Variants in ANKRD18A observed in about 807,000 individuals in gnomAD.
ANKRD18A encodes the protein ankyrin repeat domain-containing protein 18A.
In ANKRD18A, 72 loss-of-function variants were observed where a neutral mutation model predicts 110.6. The ratio of observed to expected loss-of-function variants is 0.65; its 90% CI spans 0.54 to 0.79. The LOEUF (loss-of-function observed/expected upper bound fraction) is 0.79, where lower values mean the gene tolerates loss of function less well. Ranked by LOEUF, ANKRD18A falls within the 30% of genes least tolerant of loss-of-function variation. The probability of loss-of-function intolerance (pLI) is 0.00; values close to 1 mark genes in which losing one functional copy is unlikely to be tolerated. For missense variants in ANKRD18A, 934 were observed against 1,163.3 expected (o/e 0.80, Z 2.87); for synonymous variants, 305 against 410.3 (o/e 0.74, Z 3.10).
At chr9:38,574,666 G>C (rs1448343765) in intron 15 of ANKRD18A, among the ~76,000 whole-genome samples, 1 of 152,066 alleles carries the variant, frequency 6.6e-6, no homozygotes, top group Non-Finnish European at 1.5e-5. Flanking sequence ...TCAGTGTTTT[G>C]TTTATTTAAT....
At position 38,596,220 on chromosome 9, in the gene ANKRD18A, T is replaced by G; in HGVS notation, c.1120A>C (p.Arg374=). The change falls in exon 9 of 16, where the codon AGA becomes CGA. Residue 374 remains arginine, a synonymous_variant. Transcript: ENST00000399703. ...TTTGTTATCATTTTTTCATTGAGTCTTACACTCTTTTCAAAGTTAGCATTT... is the reference window on the plus strand; with the variant it reads ...TTTGTTATCATTTTTTCATTGAGTCGTACACTCTTTTCAAAGTTAGCATTT... ...EINANFEKSV[R]LNEKMITKTV... 3 of 1,538,298 alleles carry G rather than the reference T, an allele frequency of 2.0e-6. No homozygotes were observed. Among genetic ancestry groups the G allele is most frequent in the Non-Finnish European group, 2.6e-6 (3 of 1,143,052 alleles).
chr9:38,569,398 C>T (rs1425495071), downstream of ANKRD18A: 1 of 985,298 alleles, frequency 1.0e-6, no homozygotes, highest in Non-Finnish European at 1.2e-6. Flanking sequence ...AGGTCCCACT[C>T]ACCTGAGTCC....
intron 8 of ANKRD18A, among the ~76,000 whole-genome samples, chr9:38,597,619 T>C (rs982172121): frequency 6.6e-6 from 1 of 152,160 alleles, no homozygotes; most frequent in Non-Finnish European, 1.5e-5. Context: ...ATTGCTGAAT[T>C]ACATCAATTA....
Position 38,586,096 on chromosome 9 carries a change from T to C in ANKRD18A, c.2247+87A>G, listed in dbSNP as rs542787585. ...CATTGATACGTGCAGCAAACCATCA[T>C]GGCACACATTTACCTATGTAACAAA... On this transcript the variant is annotated intron_variant, in intron 12 of 15. Transcript: ENST00000399703. 1,090 of 1,295,080 alleles carry C rather than the reference T, an allele frequency of 8.4e-4. 1 individual carries two copies. Among genetic ancestry groups the C allele is most frequent in the Admixed American group, 1.3e-3 (50 of 38,766 alleles). 80.2% of individuals were successfully genotyped at this position (1,295,080 alleles called of 1,614,324 possible).
At chr9:38,610,519 A>G (rs564053860) in intron 4 of ANKRD18A, 109 bp from the exon 5 acceptor site, 1 of 1,407,960 alleles carries the variant, frequency 7.1e-7, no homozygotes, top group African/African-American at 1.4e-5. Flanking sequence ...GATAGACATA[A>G]TAACCATTTA....
At chr9:38,597,035 T>C (rs1824913251) in intron 8 of ANKRD18A, among the ~76,000 whole-genome samples, 1 of 152,180 alleles carries the variant, frequency 6.6e-6, no homozygotes, top group African/African-American at 2.4e-5. Context: ...CTGCAGGATT[T>C]TCCTCAGGGC....
intron 10 of ANKRD18A, among the ~76,000 whole-genome samples, chr9:38,593,170 G>T (rs1824728429): frequency 6.6e-6 from 1 of 152,180 alleles, no homozygotes; most frequent in East Asian, 1.9e-4. Context: ...CATTTTGGAT[G>T]TACATACTCT....
chr9:38,575,910 T>C (rs1823873690), intron 14 of ANKRD18A, among the ~76,000 whole-genome samples: 2 of 152,212 alleles, frequency 1.3e-5, no homozygotes, highest in Admixed American at 6.5e-5. Flanking sequence ...AGGTGATTTC[T>C]ACTGAACAAG....
At chr9:38,601,087 A>G (rs774157192) in intron 8 of ANKRD18A, 44 bp downstream of exon 8, 11 of 1,516,280 alleles carry the variant, frequency 7.3e-6, no homozygotes, top group Non-Finnish European at 8.9e-6. Context: ...AGAAAAACAA[A>G]CAAACAAACC....
At chr9:38,567,107 T>G (rs2118584684), downstream of ANKRD18A, 1 of 152,358 alleles carries the variant, frequency 6.6e-6, no homozygotes, top group South Asian at 2.1e-4. Context: ...ACGAAAATAT[T>G]CATACTTCAA....
intron 10 of ANKRD18A, among the ~76,000 whole-genome samples, chr9:38,589,149 G>T (rs2993195): frequency 0.14 from 21,000 of 151,926 alleles, 1,843 homozygotes; most frequent in African/African-American, 0.25. Flanking sequence ...AGTATTCACC[G>T]GTAGGTTTCG....
At chr9:38,582,206 G>A (rs1824193982) in intron 12 of ANKRD18A, among the ~76,000 whole-genome samples, 1 of 152,120 alleles carries the variant, frequency 6.6e-6, no homozygotes, top group Admixed American at 6.5e-5. Flanking sequence ...GACTATTTCA[G>A]CAGATACTGC....
chr9:38,596,266 T>A lies in ANKRD18A; in HGVS notation c.1074A>T (p.Glu358Asp). 2 of 1,538,876 alleles carry A rather than the reference T, an allele frequency of 1.3e-6. No homozygotes were observed. Among genetic ancestry groups the A allele is most frequent in the African/African-American group, 2.8e-5 (2 of 72,244 alleles). The change falls in exon 9 of 16, where the codon GAA (glutamate) becomes GAT (aspartate). Residue 358 changes from glutamate (E) to aspartate (D), a missense_variant. Glu to Asp is a conservative substitution (Grantham distance 45, BLOSUM62 2). Around this residue, in one of 4 missense-constraint regions of ANKRD18A, gnomAD observed 630 missense variants for 797.5 expected, o/e 0.79. Transcript: ENST00000399703. ...CATTTATTTCTGTAATGCTTTTAAT[T>A]TCCTGAATATATTTCTTTTCCTTTC... The part of the protein sequence containing the change: ...SLRKEKKYIQ[E>D]IKSITEINAN...
chr9:38,603,313 A>T, intron 6 of ANKRD18A, 101 bp from the exon 7 acceptor site: 1 of 1,483,244 alleles, frequency 6.7e-7, no homozygotes, highest in Non-Finnish European at 9.1e-7. Context: ...CTTACCCTAA[A>T]TCCTACCCAT....
downstream of ANKRD18A, chr9:38,566,536 C>T (rs1406774141): frequency 6.6e-6 from 1 of 152,218 alleles, no homozygotes; most frequent in East Asian, 1.9e-4. Flanking sequence ...CTTTTGAGCC[C>T]TCCAAACTCT....
intron 10 of ANKRD18A, among the ~76,000 whole-genome samples, chr9:38,592,630 G>C (rs1474732841): frequency 2.0e-5 from 3 of 152,012 alleles, no homozygotes; most frequent in African/African-American, 7.3e-5. Flanking sequence ...ACCTGTAAAT[G>C]AATGTTTGCA....
At position 38,598,790 on chromosome 9, in the gene ANKRD18A, T is replaced by C. The variant is rs549782940; in HGVS notation, c.936+2341A>G. 1.7e-3 allele frequency among the ~76,000 whole-genome samples: 252 copies of C among 152,358 alleles called. 2 individuals are homozygous for C. Among genetic ancestry groups the C allele is most frequent in the African/African-American group, 5.5e-3 (228 of 41,590 alleles). On this transcript the variant is annotated intron_variant, in intron 8 of 15. Coordinates refer to ENST00000399703, the MANE Select transcript of ANKRD18A (RefSeq NM_147195.4). ...TTTAGAAGAGCTTCTAAGTTCCATA[T>C]GGCTTGTGGAACAAGCGCTGTATTG...
chr9:38,582,850 A>C (rs1824221310), intron 12 of ANKRD18A, among the ~76,000 whole-genome samples: 1 of 152,256 alleles, frequency 6.6e-6, no homozygotes, highest in Non-Finnish European at 1.5e-5. Context: ...GCTGTGCCTG[A>C]GAAGACAGTA....
intron 4 of ANKRD18A, among the ~76,000 whole-genome samples, chr9:38,610,804 A>G (rs620170): frequency 0.034 from 5,130 of 151,700 alleles, 265 homozygotes; most frequent in African/African-American, 0.12. Context: ...GATCAAATAA[A>G]TAAGAGCTAT....
Sources: gnomAD v4.1 joint callset for allele counts (sites outside exome capture counted in the v4.1 genomes callset) on GRCh38, gnomAD v4.1.1 for gene constraint, gnomAD v4.1.1 regional missense constraint, MANE v1.5 for transcripts, NCBI Gene and HGNC (gene_info 2026-07-23, HGNC 2026-07-21) for gene names.